Variants in OSBPL6 observed in about 807,000 individuals in gnomAD.
The protein encoded by OSBPL6 is oxysterol binding protein like 6.
A neutral mutation model predicts 125.8 loss-of-function variants in OSBPL6; 49 were observed. The observed-to-expected ratio is 0.39, with a 90% confidence interval of 0.31 to 0.49. OSBPL6 has a LOEUF of 0.49. Ranked by LOEUF, OSBPL6 falls within the 20% of genes least tolerant of loss-of-function variation. The pLI is 0.88. For missense variants in OSBPL6, 986 were observed against 1,135.4 expected (o/e 0.87, Z 1.89); for synonymous variants, 394 against 391.8 (o/e 1.01, Z -0.07).
chr2:178,391,811 C>T (rs988794656), intron 22 of OSBPL6, among the ~76,000 whole-genome samples: 9 of 152,180 alleles, frequency 5.9e-5, no homozygotes, highest in Admixed American at 1.3e-4. Flanking sequence ...TAATCCCTAA[C>T]TAAAATTAGT....
chr2:178,272,408 A>T (rs1432372833), intron 1 of OSBPL6, among the ~76,000 whole-genome samples: 1 of 152,222 alleles, frequency 6.6e-6, no homozygotes, highest in Non-Finnish European at 1.5e-5. Context: ...TGAAATGATC[A>T]CTGTATACGC....
rs373222914 is a variant in OSBPL6 at position 178,320,897 on chromosome 2, C to T, written c.103-3280C>T. ...AAGATAGGCTGGGTGCAGTGGCTCA[C>T]GCCTGTAATCTCAGCACTTTGGGAG... On this transcript the variant is annotated intron_variant, in intron 3 of 24. Coordinates refer to ENST00000190611, the MANE Select transcript of OSBPL6 (RefSeq NM_032523.4). Among the ~76,000 whole-genome samples the T allele has an allele frequency of 1.2e-4, 19 of 152,166 alleles. No individual in the cohort carries two copies. The South Asian group carries it at 1.7e-3, about 13-fold the overall frequency.
intron 1 of OSBPL6, among the ~76,000 whole-genome samples, chr2:178,282,181 C>G (rs1684260989): frequency 6.6e-6 from 1 of 152,166 alleles, no homozygotes; most frequent in South Asian, 2.1e-4. Flanking sequence ...GCTGTATTGG[C>G]AAAGACTATG....
chr2:178,200,936 A>G (rs879859571), intron 1 of OSBPL6, among the ~76,000 whole-genome samples: 1 of 151,792 alleles, frequency 6.6e-6, no homozygotes, highest in Admixed American at 6.6e-5. Context: ...GCTGGATTAC[A>G]GGCGCCCGCC....
intron 9 of OSBPL6, among the ~76,000 whole-genome samples, chr2:178,338,562 G>A (rs374824172): frequency 7.2e-5 from 11 of 152,188 alleles, no homozygotes; most frequent in Non-Finnish European, 1.2e-4. Context: ...TCTGTATTCC[G>A]TCCTATTTTT....
chr2:178,230,937 C>T (rs1267091597), intron 1 of OSBPL6, among the ~76,000 whole-genome samples: 1 of 152,166 alleles, frequency 6.6e-6, no homozygotes, highest in African/African-American at 2.4e-5. Flanking sequence ...ATATACATTT[C>T]TACCCACAAC....
At chr2:178,223,591 T>G (rs1421183086) in intron 1 of OSBPL6, among the ~76,000 whole-genome samples, 1 of 152,216 alleles carries the variant, frequency 6.6e-6, no homozygotes. Flanking sequence ...GCCCTTCAGT[T>G]TATTCTTTGC....
At chr2:178,339,273 A>G (rs543049746) in intron 10 of OSBPL6, among the ~76,000 whole-genome samples, 179 bp downstream of exon 10, 1 of 147,994 alleles carries the variant, frequency 6.8e-6, no homozygotes, top group South Asian at 2.2e-4. Flanking sequence ...TGTTAAGATG[A>G]TTATTTTAAA....
intron 11 of OSBPL6, among the ~76,000 whole-genome samples, chr2:178,346,588 C>T (rs780958430): frequency 6.4e-4 from 97 of 152,150 alleles, no homozygotes; most frequent in Non-Finnish European, 1.1e-3. Context: ...TTCTTTCCTG[C>T]GCAGGGTAGA....
At chr2:178,379,422 AAAAG>A (rs1277889245) in intron 15 of OSBPL6, among the ~76,000 whole-genome samples, 1 of 151,482 alleles carries the variant, frequency 6.6e-6, no homozygotes, top group African/African-American at 2.4e-5. Context: ...AAAGAGAAAG[AAAAG>A]AAAGAGAAAG....
intron 5 of OSBPL6, among the ~76,000 whole-genome samples, chr2:178,331,056 A>G (rs549817921): frequency 4.6e-5 from 7 of 152,346 alleles, no homozygotes; most frequent in Admixed American, 3.3e-4. Flanking sequence ...AATTTTCCAG[A>G]TAATTCATTA....
rs139428618 is a variant in OSBPL6 at position 178,239,111 on chromosome 2, T to C, written c.-351+44437T>C. On this transcript the variant is annotated intron_variant, in intron 1 of 24. Transcript: ENST00000190611. ...ATCCCCATTAATGGTATCACAGTCC[T>C]TTATATCACCAGTTCCCCAAACATT... is the stretch of plus-strand genomic sequence containing the variant. Among the ~76,000 whole-genome samples the C allele has an allele frequency of 1.5e-3, 229 of 152,324 alleles. 1 individual carries two copies. Among genetic ancestry groups the C allele is most frequent in the Admixed American group, 3.9e-3 (60 of 15,302 alleles).
chr2:178,204,621 T>G (rs2089438385), intron 1 of OSBPL6, among the ~76,000 whole-genome samples: 1 of 152,216 alleles, frequency 6.6e-6, no homozygotes, highest in Non-Finnish European at 1.5e-5. Flanking sequence ...CACTTCTTGG[T>G]TGTCTCCAAC....
chr2:178,302,081 G>C (rs986145938), intron 2 of OSBPL6, among the ~76,000 whole-genome samples: 1 of 152,106 alleles, frequency 6.6e-6, no homozygotes, highest in Admixed American at 6.5e-5. Flanking sequence ...TGATGCCTTT[G>C]AACAGCAAGT....
At chr2:178,339,491 T>C (rs1486422916) in intron 10 of OSBPL6, among the ~76,000 whole-genome samples, 181 bp from the exon 11 acceptor site, 1 of 152,202 alleles carries the variant, frequency 6.6e-6, no homozygotes, top group African/African-American at 2.4e-5. Flanking sequence ...TATTTTATAA[T>C]TAAGTTCTTA....
At chr2:178,198,617 C>CATAAATAA (rs35367535) in intron 1 of OSBPL6, among the ~76,000 whole-genome samples, 41,693 of 137,134 alleles carry the variant, frequency 0.3, 6,911 homozygotes, top group East Asian at 0.46. Flanking sequence ...GACTCCATCT[C>CATAAATAA]ATAAATAAAT....
chr2:178,323,116 G>A (rs759491649), intron 3 of OSBPL6, among the ~76,000 whole-genome samples: 7 of 151,812 alleles, frequency 4.6e-5, no homozygotes, highest in Non-Finnish European at 8.8e-5. Context: ...TTTTTCCCCC[G>A]CAAGGGCTTT....
At chr2:178,287,986 TA>T (rs1383853226) in intron 2 of OSBPL6, among the ~76,000 whole-genome samples, 1 of 151,252 alleles carries the variant, frequency 6.6e-6, no homozygotes, top group Admixed American at 6.6e-5. Flanking sequence ...TAAGTAAAAC[TA>T]ACCAGTGAGC....
At chr2:178,306,929 A>G (rs1686814507) in intron 3 of OSBPL6, among the ~76,000 whole-genome samples, 1 of 152,320 alleles carries the variant, frequency 6.6e-6, no homozygotes, top group Admixed American at 6.5e-5. Context: ...GTGAGCCTTC[A>G]TCGTATGAAT....
Sources: allele counts gnomAD v4.1 joint callset (sites outside exome capture counted in the v4.1 genomes callset), GRCh38; gene constraint gnomAD v4.1.1; transcripts MANE v1.5; gene names NCBI Gene and HGNC (gene_info 2026-07-23, HGNC 2026-07-21).